Variants in DYNC2LI1 observed in about 807,000 individuals in gnomAD.
The protein encoded by DYNC2LI1 is cytoplasmic dynein 2 light intermediate chain 1.
Under a neutral mutation model 51.9 loss-of-function variants are expected in DYNC2LI1, and 45 were observed. The ratio of observed to expected loss-of-function variants is 0.87; its 90% CI spans 0.68 to 1.11. DYNC2LI1 has a LOEUF of 1.11. Among genes scored for constraint, DYNC2LI1 ranks in the 50% most tolerant of loss-of-function variants. The probability of loss-of-function intolerance (pLI) is 0.00; values close to 1 mark genes in which losing one functional copy is unlikely to be tolerated. For synonymous variants in DYNC2LI1, 130 were observed against 137.8 expected, an observed-to-expected ratio of 0.94 and a Z score of 0.40; for missense variants, 490 against 417.4, an observed-to-expected ratio of 1.17 and a Z score of -1.51.
Position 43,804,743 on chromosome 2 carries a change from C to G in DYNC2LI1, c.900+4C>G. On this transcript the variant is annotated splice_donor_region_variant and intron_variant, in intron 11 of 12. Coordinates refer to ENST00000260605, the MANE Select transcript of DYNC2LI1 (RefSeq NM_016008.4). ...TGAAAAGCTCTTTCCACCAAAGGTACATATTTCTAATTTTTTTAAAAGCAA... is the reference window on the plus strand; with the variant it reads ...TGAAAAGCTCTTTCCACCAAAGGTAGATATTTCTAATTTTTTTAAAAGCAA... 1 of 1,581,570 alleles carries G rather than the reference C, an allele frequency of 6.3e-7. No homozygotes were observed. Among genetic ancestry groups the G allele is most frequent in the Non-Finnish European group, 8.6e-7 (1 of 1,163,718 alleles).
chr2:43,818,514 C>T, the DYNC2LI1 span, among the ~76,000 whole-genome samples: 1 of 152,080 alleles, frequency 6.6e-6, no homozygotes, highest in Non-Finnish European at 1.5e-5. Flanking sequence ...AATCATAAGT[C>T]GGGGATCATC....
Position 43,801,815 on chromosome 2 carries a change from T to C in DYNC2LI1, c.802+106T>C, listed in dbSNP as rs1666087493. 6 of 762,264 alleles carry C rather than the reference T, an allele frequency of 7.9e-6. No individual in the cohort carries two copies. In the South Asian group the frequency reaches 1.1e-4, roughly 14 times the overall value. 47.2% of individuals were successfully genotyped at this position (762,264 alleles called of 1,614,324 possible). A position where few individuals can be genotyped will look rare whatever the true frequency, so the allele number is the denominator to read the frequency against. ...AACATACTCCTATTTCTGGTTTCAT[T>C]ATCATTGCTGTTATTTCCTGTGTGT... is the stretch of plus-strand genomic sequence containing the variant. On this transcript the variant is annotated intron_variant, in intron 10 of 12. Coordinates refer to ENST00000260605, the MANE Select transcript of DYNC2LI1 (RefSeq NM_016008.4).
intron 12 of DYNC2LI1, among the ~76,000 whole-genome samples, chr2:43,807,324 G>A (rs959910084): frequency 3.9e-5 from 6 of 152,106 alleles, no homozygotes; most frequent in African/African-American, 1.4e-4. Context: ...ATGGGCACCA[G>A]AAAATACTTA....
chr2:43,813,455 G>C (rs1254023952), downstream of DYNC2LI1: 1 of 695,776 alleles, frequency 1.4e-6, no homozygotes, highest in Non-Finnish European at 2.6e-6. Context: ...GATGAAGCAA[G>C]AGTGAGCAGT....
chr2:43,796,232 C>T (rs1674030239), intron 7 of DYNC2LI1, among the ~76,000 whole-genome samples: 2 of 151,414 alleles, frequency 1.3e-5, no homozygotes, highest in African/African-American at 2.4e-5. Flanking sequence ...CTTTGGGAGG[C>T]TGAAGGGGGA....
intron 1 of DYNC2LI1, among the ~76,000 whole-genome samples, chr2:43,774,610 A>G (rs937307842): frequency 6.6e-6 from 1 of 152,204 alleles, no homozygotes; most frequent in Non-Finnish European, 1.5e-5. Flanking sequence ...TAGCTGTTCA[A>G]TTCTATGATA....
chr2:43,824,811 T>A, the DYNC2LI1 span: 1 of 1,584,054 alleles, frequency 6.3e-7, no homozygotes, highest in Non-Finnish European at 8.7e-7. Flanking sequence ...TCCACTAGAC[T>A]GGTGTCATCC....
chr2:43,820,210 TG>T, the DYNC2LI1 span: 3 of 1,330,770 alleles, frequency 2.3e-6, no homozygotes, highest in Non-Finnish European at 2.1e-6. Flanking sequence ...GGGAGAAGTT[TG>T]CAGGGCAAGC....
At chr2:43,788,040 A>G (rs1350641557) in intron 4 of DYNC2LI1, among the ~76,000 whole-genome samples, 5 of 152,202 alleles carry the variant, frequency 3.3e-5, no homozygotes, top group African/African-American at 9.7e-5. Context: ...TAATATATAG[A>G]GATACAGGAG....
chr2:43,797,773 C>T (rs1016089728), intron 8 of DYNC2LI1, among the ~76,000 whole-genome samples: 4 of 152,050 alleles, frequency 2.6e-5, no homozygotes, highest in Non-Finnish European at 5.9e-5. Flanking sequence ...CCTCCTCGGC[C>T]TCCCAAACTG....
chr2:43,814,653 AG>A, downstream of DYNC2LI1: 3 of 935,728 alleles, frequency 3.2e-6, no homozygotes, highest in Non-Finnish European at 5.1e-6. Flanking sequence ...CCAAATGAAA[AG>A]AAAGGCAATC....
intron 2 of DYNC2LI1, among the ~76,000 whole-genome samples, chr2:43,777,499 C>T (rs890424804): frequency 1.3e-5 from 2 of 152,204 alleles, no homozygotes; most frequent in African/African-American, 4.8e-5. Flanking sequence ...CCACAAAGTT[C>T]CTGCCAGGAA....
At position 43,781,644 on chromosome 2, in the gene DYNC2LI1, C is replaced by T. The variant is rs1398194640; in HGVS notation, c.127-1876C>T. ...TTGAGACAGAGTCTCGCTCTGTCGC[C>T]TAGGTTCGAGTGCAGTGGTGTGATC... On this transcript the variant is annotated intron_variant, in intron 2 of 12. Transcript: ENST00000260605. The T allele has an allele frequency of 2.0e-5, 3 of 147,330 alleles. No individual in the cohort carries two copies. The East Asian group carries it at 5.9e-4, about 29-fold the overall frequency. 9.1% of individuals were successfully genotyped at this position (147,330 alleles called of 1,614,324 possible). A position where few individuals can be genotyped will look rare whatever the true frequency, so the allele number is the denominator to read the frequency against.
chr2:43,824,445 C>T, the DYNC2LI1 span: 2 of 1,613,060 alleles, frequency 1.2e-6, no homozygotes, highest in Non-Finnish European at 1.7e-6. Flanking sequence ...AAAAGTTTTT[C>T]CCAAAAGATG....
Position 43,805,483 on chromosome 2 carries a change from C to A in DYNC2LI1, c.993+237C>A, listed in dbSNP as rs1432278. On this transcript the variant is annotated intron_variant, in intron 12 of 12. Transcript: ENST00000260605. ...ATCACCTGTCATCCCACCACCCAGA[C>A]ATGACTTAGTGTTCACATAAACCTT... 3.4e-3 allele frequency: 840 copies of A among 249,144 alleles called. 23 individuals are homozygous for A. The East Asian group carries it at 0.052, about 16-fold the overall frequency. The allele number at this position is 249,144 out of a possible 1,614,324, so 15.4% of individuals were successfully genotyped here. A position where few individuals can be genotyped will look rare whatever the true frequency, so the allele number is the denominator to read the frequency against.
chr2:43,780,291 A>G (rs1350826818), intron 2 of DYNC2LI1, among the ~76,000 whole-genome samples: 1 of 152,136 alleles, frequency 6.6e-6, no homozygotes, highest in Non-Finnish European at 1.5e-5. Flanking sequence ...GTGAGGGAAA[A>G]GGCCTCCATT....
At chr2:43,822,969 T>A in the DYNC2LI1 span, 24 of 1,611,774 alleles carry the variant, frequency 1.5e-5, no homozygotes, top group Non-Finnish European at 2.0e-5. Context: ...GAACAGTCAG[T>A]CACCACCCAG....
chr2:43,797,087 TCC>T (rs1439980731), intron 8 of DYNC2LI1, among the ~76,000 whole-genome samples: 1 of 152,176 alleles, frequency 6.6e-6, no homozygotes, highest in Non-Finnish European at 1.5e-5. Flanking sequence ...ATTTTTGGTA[TCC>T]CCTTAAGAAT....
chr2:43,819,961 C>A, the DYNC2LI1 span: 1 of 1,614,130 alleles, frequency 6.2e-7, no homozygotes, highest in Non-Finnish European at 8.5e-7. Flanking sequence ...GACAGCAGAG[C>A]CACTACACTG....
Sources: gnomAD v4.1 joint callset for allele counts (sites outside exome capture counted in the v4.1 genomes callset) on GRCh38, gnomAD v4.1.1 for gene constraint, MANE v1.5 for transcripts, NCBI Gene and HGNC (gene_info 2026-07-23, HGNC 2026-07-21) for gene names.